The following EYS variants were observed in gnomAD, a reference collection of about 807,000 sequenced individuals.
EYS encodes protein eyes shut homolog.
EYS carries 250 observed loss-of-function variants against 282.1 expected under a neutral mutation model. That is an observed-to-expected ratio of 0.89 (90% confidence interval 0.80 to 0.98). The LOEUF is 0.98. Among genes scored for constraint, EYS ranks in the 50% least tolerant of loss-of-function variants. The probability of loss-of-function intolerance (pLI) is 0.00; values close to 1 mark genes in which losing one functional copy is unlikely to be tolerated. For missense variants in EYS, 4,016 were observed against 3,709.0 expected (o/e 1.08, Z -2.15); for synonymous variants, 1,355 against 1,282.9 (o/e 1.06, Z -1.20).
At chr6:64,946,601 C>G (rs1162434535) in intron 14 of EYS, among the ~76,000 whole-genome samples, 1 of 151,818 alleles carries the variant, frequency 6.6e-6, no homozygotes, top group African/African-American at 2.4e-5. Flanking sequence ...GGGCTTTTGT[C>G]TGTAGAGAAT....
chr6:64,299,286 G>C (rs1479313239), intron 30 of EYS, among the ~76,000 whole-genome samples: 1 of 152,198 alleles, frequency 6.6e-6, no homozygotes, highest in Non-Finnish European at 1.5e-5. Flanking sequence ...TTAACTCAAA[G>C]CCTTTGTCAT....
chr6:64,376,787 A>G (rs114174149), intron 29 of EYS, among the ~76,000 whole-genome samples: 4,730 of 80,686 alleles, frequency 0.059, 233 homozygotes, highest in African/African-American at 0.2. Flanking sequence ...TACATAATAA[A>G]ATTTATTTTT....
At chr6:65,537,878 G>T (rs1381053099) in intron 2 of EYS, among the ~76,000 whole-genome samples, 1 of 152,210 alleles carries the variant, frequency 6.6e-6, no homozygotes, top group Non-Finnish European at 1.5e-5. Flanking sequence ...CAGGATCCCT[G>T]CAGTAAGTGC....
At chr6:64,509,672 A>G (rs1753845427) in intron 26 of EYS, among the ~76,000 whole-genome samples, 2 of 152,156 alleles carry the variant, frequency 1.3e-5, no homozygotes, top group Admixed American at 6.5e-5. Flanking sequence ...TCTATTATGT[A>G]TATCAAGGGG....
chr6:64,325,727 C>A (rs1770391035), intron 29 of EYS, among the ~76,000 whole-genome samples: 1 of 152,192 alleles, frequency 6.6e-6, no homozygotes, highest in East Asian at 1.9e-4. Context: ...GAAAAACAAA[C>A]CTTCAGGAAA....
chr6:64,329,289 G>T (rs1770550781), intron 29 of EYS, among the ~76,000 whole-genome samples: 2 of 152,134 alleles, frequency 1.3e-5, no homozygotes, highest in Non-Finnish European at 2.9e-5. Context: ...TGTCCAACAT[G>T]AATTTTTATA....
chr6:65,465,202 G>A (rs1349782453), intron 5 of EYS, among the ~76,000 whole-genome samples: 2 of 152,064 alleles, frequency 1.3e-5, no homozygotes, highest in Non-Finnish European at 2.9e-5. Flanking sequence ...GGTGCTTCAC[G>A]TCTGTAATTC....
At chr6:64,746,238 C>T (rs1015543368) in intron 22 of EYS, among the ~76,000 whole-genome samples, 4 of 151,812 alleles carry the variant, frequency 2.6e-5, no homozygotes, top group East Asian at 2.0e-4. Context: ...GATGTTTAGG[C>T]CATAAGGGTT....
At chr6:64,070,878 TA>T (rs1771547761) in intron 32 of EYS, among the ~76,000 whole-genome samples, 2 of 152,190 alleles carry the variant, frequency 1.3e-5, no homozygotes, top group African/African-American at 4.8e-5. Context: ...TTAATAATTT[TA>T]TTCATTATGA....
At chr6:64,909,286 C>G (rs1042748157) in intron 16 of EYS, among the ~76,000 whole-genome samples, 3 of 151,968 alleles carry the variant, frequency 2.0e-5, no homozygotes, top group Non-Finnish European at 4.4e-5. Context: ...GTATGGAGTA[C>G]AGTTTATAGA....
At chr6:65,199,004 T>C (rs1284601472) in intron 12 of EYS, among the ~76,000 whole-genome samples, 1 of 152,026 alleles carries the variant, frequency 6.6e-6, no homozygotes, top group East Asian at 1.9e-4. Flanking sequence ...GAGCATGGTG[T>C]TAAGGAAGCA....
At position 64,117,524 on chromosome 6, in the gene EYS, A is replaced by C. The variant is rs560088491; in HGVS notation, c.6425-35522T>G. On this transcript the variant is annotated intron_variant, in intron 31 of 42. Coordinates refer to ENST00000503581, the MANE Select transcript of EYS (RefSeq NM_001142800.2). ...ACTAACTAAAATCAGAAATGAAAAA[A>C]TACATTACAATAATGTGAGATAAAT... is the stretch of plus-strand genomic sequence containing the variant. Among the ~76,000 whole-genome samples the C allele has an allele frequency of 2.6e-5, 4 of 152,056 alleles. No homozygotes were observed. The South Asian group carries it at 6.2e-4, about 24-fold the overall frequency.
rs578008018 is a variant in EYS, at chr6:64,167,273, A to G, written c.6424+63319T>C. On this transcript the variant is annotated intron_variant, in intron 31 of 42. Transcript: ENST00000503581. Reference sequence around the variant, plus strand: ...CCTATGATATGAAATTAAATTATACATCAATGTGGAAAATGATGGACTTTT... The same window carrying G: ...CCTATGATATGAAATTAAATTATACGTCAATGTGGAAAATGATGGACTTTT... Among the ~76,000 whole-genome samples, 37 of 152,336 alleles carry G rather than the reference A, an allele frequency of 2.4e-4. 1 individual carries two copies. In the South Asian group the frequency reaches 7.7e-3, roughly 32 times the overall value.
chr6:64,645,995 GACAGTT>G (rs1489782674), intron 22 of EYS, among the ~76,000 whole-genome samples: 1 of 152,040 alleles, frequency 6.6e-6, no homozygotes, highest in African/African-American at 2.4e-5. Flanking sequence ...TAAGATATTA[GACAGTT>G]ACAGTTAACA....
At chr6:64,310,657 AT>A (rs1300619170) in intron 29 of EYS, among the ~76,000 whole-genome samples, 41 of 152,202 alleles carry the variant, frequency 2.7e-4, no homozygotes, top group African/African-American at 9.6e-4. Context: ...TACCTCAATG[AT>A]GAAATAATCT....
chr6:65,196,094 G>A (rs775283843), intron 12 of EYS, among the ~76,000 whole-genome samples: 1 of 151,946 alleles, frequency 6.6e-6, no homozygotes, highest in Non-Finnish European at 1.5e-5. Flanking sequence ...AATAAAACAA[G>A]TTATCCCATT....
At chr6:65,022,406 G>A (rs188042491) in intron 13 of EYS, among the ~76,000 whole-genome samples, 124 of 152,288 alleles carry the variant, frequency 8.1e-4, no homozygotes, top group Middle Eastern at 6.8e-3. Context: ...GTGGTGTTAG[G>A]TGGATTTTAA....
chr6:63,826,653 T>A (rs575206230), intron 36 of EYS, among the ~76,000 whole-genome samples: 2 of 152,174 alleles, frequency 1.3e-5, no homozygotes, highest in East Asian at 3.9e-4. Flanking sequence ...AAGCATCATA[T>A]GTGAAGGAAA....
chr6:64,749,597 G>A (rs922225398), intron 22 of EYS, among the ~76,000 whole-genome samples: 8 of 151,876 alleles, frequency 5.3e-5, no homozygotes, highest in African/African-American at 1.5e-4. Context: ...ATAATTCAAC[G>A]ACTATTCTAA....
Sources: allele counts gnomAD v4.1 joint callset (sites outside exome capture counted in the v4.1 genomes callset), GRCh38; gene constraint gnomAD v4.1.1; transcripts MANE v1.5; gene names NCBI Gene and HGNC (gene_info 2026-07-23, HGNC 2026-07-21).